ABCC3: variants seen among roughly 807,000 people sequenced by gnomAD.
ABCC3 encodes the protein ATP binding cassette subfamily C member 3, also known as ATP-binding cassette sub-family C member 3.
In ABCC3, 121 loss-of-function variants were observed where a neutral mutation model predicts 165.3. That is an observed-to-expected ratio of 0.73 (90% CI 0.63 to 0.85). The LOEUF is 0.85. Among genes scored for constraint, ABCC3 ranks in the 40% least tolerant of loss-of-function variants. The probability of loss-of-function intolerance (pLI) is 0.00; values close to 1 mark genes in which losing one functional copy is unlikely to be tolerated. For missense variants in ABCC3, 1,869 were observed against 1,964.1 expected (o/e 0.95, Z 0.92); for synonymous variants, 733 against 810.1 (o/e 0.90, Z 1.62).
intron 2 of ABCC3, 29 bp downstream of exon 2, chr17:50,656,037 G>A (rs1967234824): frequency 6.3e-7 from 1 of 1,578,966 alleles, no homozygotes; most frequent in African/African-American, 1.4e-5. Flanking sequence ...TCCTACCGAT[G>A]GGGCTGGGCC....
intron 1 of ABCC3, among the ~76,000 whole-genome samples, chr17:50,651,238 C>T (rs1967110840): frequency 6.6e-6 from 1 of 152,120 alleles, no homozygotes. Context: ...CAGTGTGGCA[C>T]AGAACATGTT....
intron 1 of ABCC3, among the ~76,000 whole-genome samples, chr17:50,650,780 C>T (rs561725315): frequency 6.6e-6 from 1 of 151,884 alleles, no homozygotes; most frequent in Non-Finnish European, 1.5e-5. Flanking sequence ...GAATTCTTAA[C>T]CCCGGCCAGG....
intron 30 of ABCC3, 111 bp downstream of exon 30, chr17:50,687,841 T>C: frequency 8.5e-7 from 1 of 1,175,052 alleles, no homozygotes; most frequent in East Asian, 2.4e-5. Context: ...CTGGGATTGC[T>C]AGGGCATGGC....
chr17:50,669,371 C>G lies in ABCC3; in HGVS notation c.2084C>G (p.Pro695Arg). ...GGCCAGGGCTCCGTGGCCTATGTGC[C>G]CCAGCAGGCATGGATCCAGAACTGC... ...VHMKGSVAYV[P>R]QQAWIQNCTL... Residue 695 changes from proline (P) to arginine (R), a missense_variant, in exon 17 of 31, where the codon CCC (proline) becomes CGC (arginine). Transcript: ENST00000285238. 6.2e-7 allele frequency: 1 copy of G among 1,614,222 alleles called. No homozygotes were observed. Among genetic ancestry groups the G allele is most frequent in the South Asian group, 1.1e-5 (1 of 91,086 alleles).
At position 50,660,988 on chromosome 17, in the gene ABCC3, G is replaced by A. The variant is rs768971754; in HGVS notation, c.872G>A (p.Arg291Gln). Residue 291 changes from arginine to glutamine, a missense_variant, in exon 8 of 31, where the codon CGG (arginine) becomes CAG (glutamine). Arg to Gln is a conservative substitution (Grantham distance 43, BLOSUM62 1). Transcript: ENST00000285238. ...GAGGACGAGGTGCTGCTGGGTGCCC[G>A]GCCCAGGCCCCGGAAGCCCTCCTTC... ...SGEDEVLLGA[R>Q]PRPRKPSFLK... The A allele has an allele frequency of 4.0e-5, 64 of 1,613,850 alleles. No homozygotes were observed. Among genetic ancestry groups the A allele is most frequent in the Non-Finnish European group, 5.3e-5 (63 of 1,179,952 alleles).
At chr17:50,638,622 C>T (rs939342980) in intron 1 of ABCC3, among the ~76,000 whole-genome samples, 19 of 152,310 alleles carry the variant, frequency 1.2e-4, no homozygotes, top group South Asian at 1.0e-3. Context: ...GCTCTACATA[C>T]GGAATTTGCC....
Position 50,692,155 on chromosome 17 carries a change from CGAGAGGCCACCTCCTGCCCA to C in ABCC3, c.*961_*980del, listed in dbSNP as rs1312892351. On this transcript the variant is annotated 3_prime_UTR_variant, in exon 31 of 31. Coordinates refer to ENST00000285238, the MANE Select transcript of ABCC3 (RefSeq NM_003786.4). ...GCTGAATGTGTGAGCACAAAGAAGC[CGAGAGGCCACCTCCTGCCCA>C]GAGAGAAGCCACCCACACTCCCAGG... 2.6e-5 allele frequency: 4 copies of C among 152,230 alleles called. No individual in the cohort carries two copies. The highest frequency in any genetic ancestry group is 5.9e-5 in the Non-Finnish European group (4 of 68,080). The allele number at this position is 152,230 out of a possible 1,614,324, so 9.4% of individuals were successfully genotyped here. A position where few individuals can be genotyped will look rare whatever the true frequency, so the allele number is the denominator to read the frequency against.
At position 50,668,912 on chromosome 17, in the gene ABCC3, C is replaced by A. The variant is rs1967583155; in HGVS notation, c.1930C>A (p.Leu644Met). ...CTGGGCCCAGGACCTGCCCCCCACT[C>A]TGCACAGGTACCAGCTTCTCCCACT... Reference protein sequence around the residue: ...FTWAQDLPPTLHSLDIQVPKG... With the variant: ...FTWAQDLPPTMHSLDIQVPKG... Residue 644 changes from leucine (L) to methionine (M), a missense_variant, in exon 15 of 31, where the codon CTG becomes ATG. By Grantham distance (15) the Leu-to-Met change is conservative. Transcript: ENST00000285238. 6.8e-6 allele frequency: 11 copies of A among 1,614,056 alleles called. No individual in the cohort carries two copies. Among genetic ancestry groups the A allele is most frequent in the Non-Finnish European group, 9.3e-6 (11 of 1,179,928 alleles).
intron 1 of ABCC3, chr17:50,635,618 T>A: frequency 1.4e-6 from 1 of 702,446 alleles, no homozygotes; most frequent in South Asian, 1.5e-5. Flanking sequence ...GGTGTCAGGA[T>A]TCCTGTAGTC....
In ABCC3 at chr17:50,665,333, A is replaced by G. The variant is rs780298748; in HGVS notation, c.1431+88A>G. 13 of 1,183,166 alleles carry G rather than the reference A, an allele frequency of 1.1e-5. No homozygotes were observed. In the East Asian group the frequency reaches 2.9e-4, roughly 27 times the overall value. 73.3% of individuals were successfully genotyped at this position (1,183,166 alleles called of 1,614,324 possible). A position where few individuals can be genotyped will look rare whatever the true frequency, so the allele number is the denominator to read the frequency against. Reference sequence around the variant, plus strand: ...TGTCCACTAACCTTGGGGCCTCCCAACTACCTTGCTTCCTGAGTATGGATG... The same window carrying G: ...TGTCCACTAACCTTGGGGCCTCCCAGCTACCTTGCTTCCTGAGTATGGATG... On this transcript the variant is annotated intron_variant, in intron 11 of 30. Transcript: ENST00000285238.
At chr17:50,678,055 G>T in intron 24 of ABCC3, 38 bp from the exon 25 acceptor site, 2 of 1,613,448 alleles carry the variant, frequency 1.2e-6, no homozygotes, top group Admixed American at 1.7e-5. Context: ...GCCCTGCCCT[G>T]CCCCTGCCCC....
intron 7 of ABCC3, 44 bp downstream of exon 7, chr17:50,659,412 C>G (rs1022598977): frequency 9.5e-6 from 15 of 1,575,396 alleles, no homozygotes; most frequent in Non-Finnish European, 1.3e-5. Context: ...CTTCGCTTAC[C>G]CCAGATCTCC....
intron 1 of ABCC3, chr17:50,635,375 C>T (rs1466861644): frequency 3.1e-6 from 2 of 654,896 alleles, no homozygotes; most frequent in Non-Finnish European, 5.6e-6. Flanking sequence ...CCCTCAGCAT[C>T]TGCCTCAGGT....
At chr17:50,676,924 G>C (rs562767239) in intron 23 of ABCC3, among the ~76,000 whole-genome samples, 2 of 149,668 alleles carry the variant, frequency 1.3e-5, no homozygotes, top group South Asian at 4.2e-4. Context: ...TCGCTCTGTC[G>C]CTCAGGCTGG....
rs558890009 is a variant in ABCC3 at position 50,663,431 on chromosome 17, G to T, written c.999-250G>T. ...GGCAGGCAGGTGAGGCTGGTGGTGA[G>T]AGCGTCATCGATAGGGCGTGCAGCA... On this transcript the variant is annotated intron_variant, in intron 8 of 30. Transcript: ENST00000285238. 148 of 526,732 alleles carry T rather than the reference G, an allele frequency of 2.8e-4. 1 individual carries two copies. The East Asian group carries it at 3.9e-3, about 14-fold the overall frequency. 32.6% of individuals were successfully genotyped at this position (526,732 alleles called of 1,614,324 possible). A position where few individuals can be genotyped will look rare whatever the true frequency, so the allele number is the denominator to read the frequency against.
intron 30 of ABCC3, chr17:50,688,425 G>C (rs886895499): frequency 2.6e-5 from 4 of 152,360 alleles, no homozygotes; most frequent in African/African-American, 9.6e-5. Flanking sequence ...TCTGGTCACA[G>C]ATGAAGAAGC....
intron 7 of ABCC3, among the ~76,000 whole-genome samples, chr17:50,659,957 G>A (rs1304186304): frequency 1.3e-5 from 2 of 152,178 alleles, no homozygotes; most frequent in Admixed American, 6.5e-5. Flanking sequence ...CTGTACTCCA[G>A]TCTGGGCAAT....
At chr17:50,641,303 G>A (rs2054229885) in intron 1 of ABCC3, among the ~76,000 whole-genome samples, 1 of 152,194 alleles carries the variant, frequency 6.6e-6, no homozygotes, top group African/African-American at 2.4e-5. Context: ...GTGGGGGAGG[G>A]GGCTGTGGGC....
rs766716602 is a variant in ABCC3 at position 50,668,454 on chromosome 17, C to A, written c.1807C>A (p.Gln603Lys). 9 of 1,613,974 alleles carry A rather than the reference C, an allele frequency of 5.6e-6. No individual in the cohort carries two copies. The highest frequency in any genetic ancestry group is 5.0e-5 in the Admixed American group (3 of 60,002). The change falls in exon 14 of 31, where the codon CAG becomes AAG. Residue 603 changes from glutamine (Q) to lysine (K), a missense_variant. Gln to Lys is a moderately conservative substitution (Grantham distance 53, BLOSUM62 1). Coordinates refer to ENST00000285238, the MANE Select transcript of ABCC3 (RefSeq NM_003786.4). ...GGCCAGTGTGTCTCTGAAACGGATC[C>A]AGCAATTCCTGAGCCAAGAGGAACT... Reference protein sequence around the residue: ...TQASVSLKRIQQFLSQEELDP... With the variant: ...TQASVSLKRIKQFLSQEELDP...
Sources: allele counts gnomAD v4.1 joint callset (sites outside exome capture counted in the v4.1 genomes callset), GRCh38; gene constraint gnomAD v4.1.1; transcripts MANE v1.5; gene names NCBI Gene and HGNC (gene_info 2026-07-23, HGNC 2026-07-21).